The following SBF2 variants were observed in gnomAD, a reference collection of about 807,000 sequenced individuals.
The protein encoded by SBF2 is SET binding factor 2.
A neutral mutation model predicts 225.2 loss-of-function variants in SBF2; 112 were observed. The observed-to-expected ratio is 0.50, with a 90% CI of 0.43 to 0.58. SBF2 has a LOEUF of 0.58. SBF2 is among the 20% of genes least tolerant of loss of function. The pLI, the probability that SBF2 is intolerant of heterozygous loss-of-function variation, is 0.00. For missense variants in SBF2, 1,996 were observed against 2,206.2 expected (o/e 0.90, Z 1.91); for synonymous variants, 763 against 773.3 (o/e 0.99, Z 0.22).
At chr11:9,894,344 C>T (rs1037918517) in intron 17 of SBF2, among the ~76,000 whole-genome samples, 2 of 152,146 alleles carry the variant, frequency 1.3e-5, no homozygotes, top group African/African-American at 4.8e-5. Flanking sequence ...CGGTGAAACC[C>T]TGTCTCTACT....
At chr11:9,831,557 G>A (rs1248821905) in intron 27 of SBF2, among the ~76,000 whole-genome samples, 3 of 152,176 alleles carry the variant, frequency 2.0e-5, no homozygotes, top group Non-Finnish European at 2.9e-5. Flanking sequence ...AATCGGATCT[G>A]ATATCTTAGT....
At chr11:9,890,364 ATCT>A (rs1321136640) in intron 17 of SBF2, among the ~76,000 whole-genome samples, 3 of 152,242 alleles carry the variant, frequency 2.0e-5, no homozygotes, top group African/African-American at 7.2e-5. Context: ...TACTTCAATA[ATCT>A]TCTTCAAACA....
chr11:9,829,629 A>G, intron 27 of SBF2, 133 bp from the exon 28 acceptor site: 1 of 779,048 alleles, frequency 1.3e-6, no homozygotes, highest in East Asian at 2.7e-5. Flanking sequence ...CCACACCCAA[A>G]TATAGAAACC....
intron 1 of SBF2, among the ~76,000 whole-genome samples, chr11:10,243,959 C>A (rs1487723989): frequency 6.6e-6 from 1 of 152,096 alleles, no homozygotes; most frequent in Admixed American, 6.6e-5. Flanking sequence ...ACAGCATCAA[C>A]CTGATATCAA....
intron 25 of SBF2, among the ~76,000 whole-genome samples, chr11:9,841,677 C>T (rs545578745): frequency 6.6e-5 from 10 of 152,240 alleles, no homozygotes; most frequent in African/African-American, 2.2e-4. Context: ...GGACTACAGG[C>T]GCATGCCACC....
chr11:10,165,974 G>C (rs1955933491), intron 2 of SBF2, among the ~76,000 whole-genome samples: 2 of 152,136 alleles, frequency 1.3e-5, no homozygotes, highest in Non-Finnish European at 2.9e-5. Flanking sequence ...GACTCTTAAA[G>C]ATAATATGTA....
At chr11:10,023,473 T>C (rs1315770503) in intron 6 of SBF2, among the ~76,000 whole-genome samples, 5 of 152,234 alleles carry the variant, frequency 3.3e-5, no homozygotes, top group South Asian at 2.1e-4. Context: ...TAGTATCCAA[T>C]TGCAGAAGAA....
At chr11:10,073,246 T>A (rs1480145290) in intron 2 of SBF2, among the ~76,000 whole-genome samples, 1 of 152,144 alleles carries the variant, frequency 6.6e-6, no homozygotes, top group Non-Finnish European at 1.5e-5. Flanking sequence ...TTACAATGAG[T>A]TATAGTTATG....
At chr11:10,021,439 CAAAAAAACA>C (rs1327109447) in intron 6 of SBF2, among the ~76,000 whole-genome samples, 8 of 146,916 alleles carry the variant, frequency 5.4e-5, no homozygotes, top group African/African-American at 1.3e-4. Flanking sequence ...CATAGGCTGC[CAAAAAAACA>C]AAAAAAACAA....
At chr11:9,864,634 G>A (rs1858037118) in intron 17 of SBF2, among the ~76,000 whole-genome samples, 2 of 151,696 alleles carry the variant, frequency 1.3e-5, no homozygotes, top group South Asian at 2.1e-4. Context: ...TGATCCTCCC[G>A]CCTCGGCCAC....
At chr11:9,901,978 C>T (rs1861756887) in intron 16 of SBF2, among the ~76,000 whole-genome samples, 2 of 152,156 alleles carry the variant, frequency 1.3e-5, no homozygotes, top group Admixed American at 1.3e-4. Context: ...CCTTTCCAAC[C>T]TGATTCTGAT....
Position 10,294,180 on chromosome 11 carries a change from G to A in SBF2, c.-111C>T, listed in dbSNP as rs769216751. On this transcript the variant is annotated 5_prime_UTR_variant, in exon 1 of 40. Transcript: ENST00000256190. ...TCCCTGCAGCGGCAGTAGCGGCAGC[G>A]GCAGCGCTTCAGCCATGTTTGACAA... 2.4e-6 allele frequency: 2 copies of A among 828,272 alleles called. No homozygotes were observed. Among genetic ancestry groups the A allele is most frequent in the Non-Finnish European group, 1.6e-6 (1 of 615,872 alleles). 51.3% of individuals were successfully genotyped at this position (828,272 alleles called of 1,614,324 possible).
chr11:9,968,189 A>G lies in SBF2; in HGVS notation c.1600+152T>C, dbSNP rs1867091427. The stretch of plus-strand genomic sequence containing the variant: ...TGATTACCCTTTTTGGGAGGCAGTG[A>G]ATGAAACAGTTTCTGAGTATTGATA... On this transcript the variant is annotated intron_variant, in intron 14 of 39. Coordinates refer to ENST00000256190, the MANE Select transcript of SBF2 (RefSeq NM_030962.4). 5.7e-6 allele frequency: 4 copies of G among 703,430 alleles called. No individual in the cohort carries two copies. In the East Asian group the frequency reaches 1.1e-4, roughly 19 times the overall value. The allele number at this position is 703,430 out of a possible 1,614,324, so 43.6% of individuals were successfully genotyped here. A position where few individuals can be genotyped will look rare whatever the true frequency, so the allele number is the denominator to read the frequency against.
Position 10,019,146 on chromosome 11 carries a change from G to A in SBF2, c.619+9306C>T, listed in dbSNP as rs183352961. Among the ~76,000 whole-genome samples, 24 of 152,156 alleles carry A rather than the reference G, an allele frequency of 1.6e-4. 1 individual carries two copies. The highest frequency in any genetic ancestry group is 1.4e-3 in the East Asian group (7 of 5,178). On this transcript the variant is annotated intron_variant, in intron 6 of 39. Coordinates refer to ENST00000256190, the MANE Select transcript of SBF2 (RefSeq NM_030962.4). Reference sequence around the variant, plus strand: ...TCCCCAGTGACTAACTCAGGAGCTGGCACATAATAATGGCTTTGTAAACAT... The same window carrying A: ...TCCCCAGTGACTAACTCAGGAGCTGACACATAATAATGGCTTTGTAAACAT...
chr11:10,075,378 A>T (rs1951057211), intron 2 of SBF2, among the ~76,000 whole-genome samples: 1 of 152,248 alleles, frequency 6.6e-6, no homozygotes, highest in Admixed American at 6.5e-5. Context: ...AGTAATGAGT[A>T]ACATCTTCAC....
chr11:10,182,798 G>A (rs1234033312), intron 2 of SBF2, among the ~76,000 whole-genome samples: 1 of 151,240 alleles, frequency 6.6e-6, no homozygotes, highest in African/African-American at 2.4e-5. Context: ...TTTTTGAGAC[G>A]GAGTCTTGCT....
At chr11:10,098,091 T>C (rs1368497837) in intron 2 of SBF2, among the ~76,000 whole-genome samples, 1 of 152,042 alleles carries the variant, frequency 6.6e-6, no homozygotes, top group Non-Finnish European at 1.5e-5. Flanking sequence ...CCAACTAGGC[T>C]ATATGTTCCC....
chr11:9,823,483 A>G (rs968117468), intron 28 of SBF2, among the ~76,000 whole-genome samples: 3 of 151,870 alleles, frequency 2.0e-5, no homozygotes, highest in African/African-American at 7.3e-5. Flanking sequence ...AAGGCTAGGA[A>G]GAAGAACTAG....
rs1423032865 is a variant in SBF2, at chr11:10,115,609, C to T, written c.142-72628G>A. ...CTTGTTTTCTGCTAAATTCTAGATA[C>T]TAAATCCTGCAACTCTTCCCACCTA... On this transcript the variant is annotated intron_variant, in intron 2 of 39. Transcript: ENST00000256190. Among the ~76,000 whole-genome samples, 5 of 152,184 alleles carry T rather than the reference C, an allele frequency of 3.3e-5. No individual in the cohort carries two copies. In the East Asian group the frequency reaches 9.6e-4, roughly 29 times the overall value.
Sources: gnomAD v4.1 joint callset for allele counts (sites outside exome capture counted in the v4.1 genomes callset) on GRCh38, gnomAD v4.1.1 for gene constraint, MANE v1.5 for transcripts, NCBI Gene and HGNC (gene_info 2026-07-23, HGNC 2026-07-21) for gene names.